The following PLXDC2 variants were observed in gnomAD, a reference collection of about 807,000 sequenced individuals.
PLXDC2 encodes plexin domain-containing protein 2.
PLXDC2 carries 40 observed loss-of-function variants against 68.9 expected under a neutral mutation model. The ratio of observed to expected loss-of-function variants is 0.58; its 90% CI spans 0.45 to 0.76. The LOEUF is 0.76. Among genes scored for constraint, PLXDC2 ranks in the 30% least tolerant of loss-of-function variants. The probability of loss-of-function intolerance (pLI) is 0.00; values close to 1 mark genes in which losing one functional copy is unlikely to be tolerated. For synonymous variants in PLXDC2, 243 were observed against 234.2 expected (o/e 1.04, Z -0.34); for missense variants, 644 against 661.9 (o/e 0.97, Z 0.30).
intron 12 of PLXDC2, among the ~76,000 whole-genome samples, chr10:20,228,766 G>A (rs1275694574): frequency 6.6e-6 from 1 of 152,070 alleles, no homozygotes; most frequent in East Asian, 1.9e-4. Flanking sequence ...CATAGAGACA[G>A]CAAGAAAACA....
chr10:20,032,670 C>G (rs1835518769), intron 2 of PLXDC2, among the ~76,000 whole-genome samples: 1 of 151,958 alleles, frequency 6.6e-6, no homozygotes, highest in Non-Finnish European at 1.5e-5. Flanking sequence ...AGAACATTGA[C>G]TCTGGAGTTT....
intron 1 of PLXDC2, among the ~76,000 whole-genome samples, chr10:19,864,010 G>A (rs1407901083): frequency 6.6e-6 from 1 of 152,006 alleles, no homozygotes; most frequent in Non-Finnish European, 1.5e-5. Context: ...ATTAAACCTG[G>A]GAAGATTAAA....
chr10:19,927,178 G>T (rs1305307348), intron 1 of PLXDC2, among the ~76,000 whole-genome samples: 3 of 152,124 alleles, frequency 2.0e-5, no homozygotes, highest in Non-Finnish European at 2.9e-5. Flanking sequence ...GGAATAAAAA[G>T]ATTGGGCAGA....
chr10:20,011,000 C>T (rs1343237149), intron 2 of PLXDC2, among the ~76,000 whole-genome samples: 3 of 152,294 alleles, frequency 2.0e-5, no homozygotes. Flanking sequence ...TTTGCCTATA[C>T]TAATTTCCAA....
At chr10:20,074,640 G>T (rs1836404025) in intron 4 of PLXDC2, among the ~76,000 whole-genome samples, 1 of 151,900 alleles carries the variant, frequency 6.6e-6, no homozygotes, top group Non-Finnish European at 1.5e-5. Flanking sequence ...CTTTCAAATG[G>T]TAATATTTTA....
chr10:19,881,334 T>G (rs545926936), intron 1 of PLXDC2, among the ~76,000 whole-genome samples: 1 of 152,266 alleles, frequency 6.6e-6, no homozygotes, highest in Non-Finnish European at 1.5e-5. Flanking sequence ...CTGGCTGGTC[T>G]TGAACTCCTG....
chr10:19,846,962 C>A (rs1309950227), intron 1 of PLXDC2, among the ~76,000 whole-genome samples: 1 of 152,076 alleles, frequency 6.6e-6, no homozygotes. Flanking sequence ...AGAGCGTGTG[C>A]AGGTGGAGTT....
At chr10:20,123,092 C>G (rs914877930) in intron 4 of PLXDC2, among the ~76,000 whole-genome samples, 2 of 152,066 alleles carry the variant, frequency 1.3e-5, no homozygotes, top group African/African-American at 4.8e-5. Context: ...TGGGGGAGGG[C>G]TAGTCATGGA....
intron 1 of PLXDC2, among the ~76,000 whole-genome samples, chr10:19,844,446 A>G (rs2131320602): frequency 6.6e-6 from 1 of 152,288 alleles, no homozygotes; most frequent in East Asian, 1.9e-4. Flanking sequence ...GTGATGTATT[A>G]CAAACCACCG....
At chr10:20,226,037 A>G (rs951603830) in intron 12 of PLXDC2, among the ~76,000 whole-genome samples, 1 of 152,222 alleles carries the variant, frequency 6.6e-6, no homozygotes, top group African/African-American at 2.4e-5. Context: ...CACTTGGAGT[A>G]TCAAGAGTTG....
chr10:20,074,864 G>GTAT (rs35596122), intron 4 of PLXDC2, among the ~76,000 whole-genome samples: 65,870 of 151,016 alleles, frequency 0.44, 17,392 homozygotes, highest in African/African-American at 0.73. Context: ...GAGTTGTTTT[G>GTAT]TATTATTATT....
At chr10:20,145,261 T>A (rs1353299398) in intron 5 of PLXDC2, among the ~76,000 whole-genome samples, 1 of 152,198 alleles carries the variant, frequency 6.6e-6, no homozygotes, top group East Asian at 1.9e-4. Context: ...AATATTGAGT[T>A]CAAACAATAT....
At chr10:20,139,390 A>C (rs905699616) in intron 4 of PLXDC2, among the ~76,000 whole-genome samples, 1 of 152,248 alleles carries the variant, frequency 6.6e-6, no homozygotes, top group Non-Finnish European at 1.5e-5. Flanking sequence ...CTTTTCTGCA[A>C]AGGCAGATGA....
In PLXDC2 at chr10:19,823,511, G is replaced by C. The variant is rs552789370; in HGVS notation, c.112+6320G>C. Among the ~76,000 whole-genome samples the C allele has an allele frequency of 2.0e-5, 3 of 151,492 alleles. No homozygotes were observed. In the East Asian group the frequency reaches 5.9e-4, roughly 30 times the overall value. The stretch of plus-strand genomic sequence containing the variant: ...ATCCTGGCCAACATGGTGAAACCCC[G>C]TCTTCCCTAAAAATAAAAAAAATTA... On this transcript the variant is annotated intron_variant, in intron 1 of 13. Coordinates refer to ENST00000377252, the MANE Select transcript of PLXDC2 (RefSeq NM_032812.9).
Position 19,908,927 on chromosome 10 carries a change from A to C in PLXDC2, c.112+91736A>C, listed in dbSNP as rs377721123. 2.0e-5 allele frequency among the ~76,000 whole-genome samples: 3 copies of C among 152,154 alleles called. No individual in the cohort carries two copies. The East Asian group carries it at 5.8e-4, about 29-fold the overall frequency. On this transcript the variant is annotated intron_variant, in intron 1 of 13. Transcript: ENST00000377252. Reference sequence around the variant, plus strand: ...ATATTAAGACCACCTAATTATCCTTAGTTTTGAGTTTTTGATCACCAAACA... The same window carrying C: ...ATATTAAGACCACCTAATTATCCTTCGTTTTGAGTTTTTGATCACCAAACA...
intron 1 of PLXDC2, among the ~76,000 whole-genome samples, chr10:19,966,081 A>G (rs113276627): frequency 6.6e-6 from 1 of 151,490 alleles, no homozygotes; most frequent in African/African-American, 2.4e-5. Context: ...TAACTATAGA[A>G]CTGCAGGTAC....
chr10:20,190,137 A>G (rs1834744984), intron 9 of PLXDC2, among the ~76,000 whole-genome samples: 1 of 151,936 alleles, frequency 6.6e-6, no homozygotes, highest in Non-Finnish European at 1.5e-5. Context: ...AAGTAATGTT[A>G]AAGTTTTGTT....
intron 5 of PLXDC2, 77 bp from the exon 6 acceptor site, chr10:20,147,707 T>C: frequency 2.2e-6 from 2 of 893,022 alleles, no homozygotes; most frequent in Non-Finnish European, 3.5e-6. Context: ...TGCAAAAACA[T>C]TTTTGTGAAA....
At chr10:19,948,346 G>A (rs1833937669) in intron 1 of PLXDC2, among the ~76,000 whole-genome samples, 1 of 150,962 alleles carries the variant, frequency 6.6e-6, no homozygotes, top group African/African-American at 2.4e-5. Flanking sequence ...TTAACAGCAA[G>A]CAAGTAGAGA....
Sources: allele counts gnomAD v4.1 joint callset (sites outside exome capture counted in the v4.1 genomes callset), GRCh38; gene constraint gnomAD v4.1.1; transcripts MANE v1.5; gene names NCBI Gene and HGNC (gene_info 2026-07-23, HGNC 2026-07-21).